The following PAXBP1 variants were observed in gnomAD, a reference collection of about 807,000 sequenced individuals.
PAXBP1 encodes PAX3- and PAX7-binding protein 1.
In PAXBP1, 44 loss-of-function variants were observed where a neutral mutation model predicts 119.9. That is an observed-to-expected ratio of 0.37 (90% confidence interval 0.29 to 0.47). PAXBP1 has a LOEUF of 0.47. Among genes scored for constraint, PAXBP1 ranks in the 20% least tolerant of loss-of-function variants. PAXBP1 has a pLI of 0.99. For missense variants in PAXBP1, 898 were observed against 1,134.1 expected (o/e 0.79, Z 2.99); for synonymous variants, 393 against 406.6 (o/e 0.97, Z 0.40).
At chr21:32,738,800 GAAAATGAAAGCTATCATCAT>G (rs959388956) in intron 15 of PAXBP1, among the ~76,000 whole-genome samples, 3 of 152,032 alleles carry the variant, frequency 2.0e-5, no homozygotes, top group African/African-American at 7.3e-5. Flanking sequence ...TCAATATATA[GAAAATGAAAGCTATCATCAT>G]AAAATGAAAG....
At chr21:32,736,192 T>G (rs985921481) in intron 17 of PAXBP1, among the ~76,000 whole-genome samples, 7 of 152,098 alleles carry the variant, frequency 4.6e-5, no homozygotes, top group African/African-American at 1.4e-4. Context: ...TAAAATCTTT[T>G]TTGTTGTTGT....
chr21:32,766,384 A>C (rs2146523960), intron 2 of PAXBP1, among the ~76,000 whole-genome samples: 1 of 152,192 alleles, frequency 6.6e-6, no homozygotes. Context: ...ATGTTAAATA[A>C]CCTTTTTCAA....
At chr21:32,755,571 T>G (rs983781342) in intron 7 of PAXBP1, 1 of 390,852 alleles carries the variant, frequency 2.6e-6, no homozygotes, top group East Asian at 4.3e-5. Context: ...CAGTGCCTAG[T>G]TATTGGAGCA....
At position 32,751,195 on chromosome 21, in the gene PAXBP1, G is replaced by C; in HGVS notation, c.1531C>G (p.Leu511Val). The C allele has an allele frequency of 1.2e-6, 2 of 1,614,114 alleles. No individual in the cohort carries two copies. Among genetic ancestry groups the C allele is most frequent in the Non-Finnish European group, 1.7e-6 (2 of 1,179,986 alleles). The change falls in exon 9 of 18, where the codon CTT becomes GTT. Residue 511 changes from leucine (L) to valine (V), a missense_variant. Leu to Val is a conservative substitution (Grantham distance 32). This residue lies in a region of PAXBP1 where 599 missense variants were observed against 852.7 expected (regional missense o/e 0.70). Transcript: ENST00000331923. The part of the protein sequence containing the change: ...HSNKALMAPN[L>V]DSFGRDRALY... ...GCCCGATCGCGTCCAAAGGAGTCAA[G>C]ATTTGGTGCCATCAGAGCTTTGTCT...
At chr21:32,756,711 ATTCTT>A (rs758472561) in intron 7 of PAXBP1, 2 of 213,918 alleles carry the variant, frequency 9.3e-6, no homozygotes, top group South Asian at 6.6e-5. Flanking sequence ...AGCCTGAGGC[ATTCTT>A]TTATCTTTTA....
chr21:32,762,017 G>A (rs1330808775), intron 4 of PAXBP1, 79 bp downstream of exon 4: 3 of 1,450,438 alleles, frequency 2.1e-6, no homozygotes, highest in African/African-American at 2.8e-5. Context: ...TCTGGCCTAA[G>A]TGATGGAATG....
At chr21:32,739,007 G>A (rs1375255284) in intron 15 of PAXBP1, among the ~76,000 whole-genome samples, 1 of 152,154 alleles carries the variant, frequency 6.6e-6, no homozygotes, top group Non-Finnish European at 1.5e-5. Context: ...AGTTCCTGCT[G>A]CCATCCTCCG....
intron 8 of PAXBP1, among the ~76,000 whole-genome samples, chr21:32,753,447 AC>A (rs1174141919): frequency 2.1e-4 from 31 of 150,826 alleles, no homozygotes; most frequent in South Asian, 6.3e-4. Context: ...AAAAAAAAAA[AC>A]ATTATACTTA....
Position 32,764,331 on chromosome 21 carries a change from T to C in PAXBP1, c.649+17A>G. 1.2e-6 allele frequency: 2 copies of C among 1,611,364 alleles called. No homozygotes were observed. ...GAGGGTTTAGTTTAGTTCTGAGAAA[T>C]ACTTTTGAGTACACACCTGGACGAA... On this transcript the variant is annotated intron_variant, in intron 3 of 17. Transcript: ENST00000331923.
chr21:32,744,736 C>T, intron 13 of PAXBP1, 56 bp downstream of exon 13: 1 of 1,480,078 alleles, frequency 6.8e-7, no homozygotes, highest in Non-Finnish European at 9.0e-7. Flanking sequence ...TCAATGCTTG[C>T]TCATATTCAA....
intron 10 of PAXBP1, among the ~76,000 whole-genome samples, chr21:32,749,391 C>T (rs1569159183): frequency 6.6e-6 from 1 of 151,964 alleles, no homozygotes; most frequent in Non-Finnish European, 1.5e-5. Context: ...GATGGAGTTT[C>T]ATCATGTGAG....
At chr21:32,750,866 C>G (rs760041427) in intron 10 of PAXBP1, 51 bp downstream of exon 10, 6 of 1,356,402 alleles carry the variant, frequency 4.4e-6, no homozygotes, top group South Asian at 1.3e-5. Context: ...AAACCATACC[C>G]AAGTAGAAAC....
rs1407618376 is a variant in PAXBP1 at position 32,761,109 on chromosome 21, G to C, written c.925C>G (p.Leu309Val). ...ALVTGEQDEELSRWEQEQIRK... is the reference protein window; with the variant it reads ...ALVTGEQDEEVSRWEQEQIRK... The stretch of plus-strand genomic sequence containing the variant: ...ATCTGCTCCTGTTCCCATCGGCTGA[G>C]CTCTTCATCCTGTTCTCCAGTTACT... Residue 309 changes from leucine (L) to valine (V), a missense_variant, in exon 5 of 18, where the codon CTC becomes GTC. Coordinates refer to ENST00000331923, the MANE Select transcript of PAXBP1 (RefSeq NM_016631.4). 6.2e-7 allele frequency: 1 copy of C among 1,613,808 alleles called. No homozygotes were observed. Among genetic ancestry groups the C allele is most frequent in the African/African-American group, 1.3e-5 (1 of 74,852 alleles).
chr21:32,760,717 T>C (rs1187058645), intron 5 of PAXBP1, among the ~76,000 whole-genome samples: 2 of 152,142 alleles, frequency 1.3e-5, no homozygotes, highest in African/African-American at 2.4e-5. Context: ...TGTAGGTCTC[T>C]GGGGGCTGAT....
At chr21:32,736,329 T>C (rs2043692136) in intron 17 of PAXBP1, among the ~76,000 whole-genome samples, 1 of 151,850 alleles carries the variant, frequency 6.6e-6, no homozygotes, top group Non-Finnish European at 1.5e-5. Flanking sequence ...GGTGGGACTA[T>C]AGGCACGCAC....
chr21:32,737,010 G>A (rs914769186), intron 17 of PAXBP1, among the ~76,000 whole-genome samples: 8 of 152,016 alleles, frequency 5.3e-5, no homozygotes, highest in South Asian at 2.1e-4. Flanking sequence ...GAAAACAACC[G>A]TTTACTCACT....
In PAXBP1 at chr21:32,750,896, AT is replaced by A. The variant is rs1459533615; in HGVS notation, c.1723+20del. The stretch of plus-strand genomic sequence containing the variant: ...AGAAACTAAACTGATGATGAGTCTT[AT>A]TTCCAAATAAATGTCTAACCTTTTT... On this transcript the variant is annotated intron_variant, in intron 10 of 17. Coordinates refer to ENST00000331923, the MANE Select transcript of PAXBP1 (RefSeq NM_016631.4). 1 of 1,565,534 alleles carries A rather than the reference AT, an allele frequency of 6.4e-7. No homozygotes were observed. The highest frequency in any genetic ancestry group is 2.2e-5 in the East Asian group (1 of 44,686).
At chr21:32,761,478 TA>T in intron 4 of PAXBP1, among the ~76,000 whole-genome samples, 1 of 152,350 alleles carries the variant, frequency 6.6e-6, no homozygotes, top group South Asian at 2.1e-4. Context: ...TTTACGCATG[TA>T]AACTGCTAAG....
Position 32,763,455 on chromosome 21 carries a change from A to G in PAXBP1, c.649+893T>C, listed in dbSNP as rs953857666. Reference sequence around the variant, plus strand: ...GATTCATATTGCCAAAGAGCTTCCCATAAGGACTGTACCAATCAGACTGCC... The same window carrying G: ...GATTCATATTGCCAAAGAGCTTCCCGTAAGGACTGTACCAATCAGACTGCC... On this transcript the variant is annotated intron_variant, in intron 3 of 17. Coordinates refer to ENST00000331923, the MANE Select transcript of PAXBP1 (RefSeq NM_016631.4). Among the ~76,000 whole-genome samples, 6 of 152,224 alleles carry G rather than the reference A, an allele frequency of 3.9e-5. No homozygotes were observed. The South Asian group carries it at 1.0e-3, about 26-fold the overall frequency.
Sources: allele counts gnomAD v4.1 joint callset (sites outside exome capture counted in the v4.1 genomes callset), GRCh38; gene constraint gnomAD v4.1.1; regional missense constraint gnomAD v4.1.1; transcripts MANE v1.5; gene names NCBI Gene and HGNC (gene_info 2026-07-23, HGNC 2026-07-21).